ADCY1: variants seen among roughly 807,000 people sequenced by gnomAD.
ADCY1 encodes the protein adenylate cyclase type 1.
In ADCY1, 28 loss-of-function variants were observed where a neutral mutation model predicts 105.4. The ratio of observed to expected loss-of-function variants is 0.27; its 90% CI spans 0.20 to 0.36. ADCY1 has a LOEUF of 0.36. ADCY1 is among the 10% of genes least tolerant of loss of function. ADCY1 has a pLI of 1.00. For synonymous variants in ADCY1, 655 were observed against 623.8 expected, an observed-to-expected ratio of 1.05 and a Z score of -0.75; for missense variants, 977 against 1,434.2, an observed-to-expected ratio of 0.68 and a Z score of 5.15.
intron 2 of ADCY1, among the ~76,000 whole-genome samples, chr7:45,595,436 G>C (rs369895844): frequency 9.2e-5 from 14 of 152,106 alleles, no homozygotes; most frequent in African/African-American, 3.4e-4. Context: ...CTCTCTCTCT[G>C]TGAGGACTTG....
intron 19 of ADCY1, among the ~76,000 whole-genome samples, chr7:45,712,936 G>T (rs919494302): frequency 3.3e-5 from 5 of 152,042 alleles, no homozygotes; most frequent in African/African-American, 1.2e-4. Flanking sequence ...TGGACAGTTT[G>T]CCTGCTGCCC....
chr7:45,687,064 C>T (rs1237526037), intron 14 of ADCY1, among the ~76,000 whole-genome samples: 1 of 152,156 alleles, frequency 6.6e-6, no homozygotes, highest in Non-Finnish European at 1.5e-5. Flanking sequence ...TTGGGAAATA[C>T]AAGAAAATGC....
chr7:45,640,269 C>G (rs1017237918), intron 4 of ADCY1, among the ~76,000 whole-genome samples: 1 of 152,278 alleles, frequency 6.6e-6, no homozygotes, highest in East Asian at 1.9e-4. Context: ...GGGTGCCAAG[C>G]AAGGAGAATT....
intron 4 of ADCY1, among the ~76,000 whole-genome samples, chr7:45,644,891 C>CAT (rs1794619095): frequency 6.6e-6 from 1 of 152,204 alleles, no homozygotes; most frequent in Non-Finnish European, 1.5e-5. Context: ...TTGTCCTAAG[C>CAT]TGTCTCCACT....
chr7:45,694,646 A>G (rs1784848007), intron 14 of ADCY1, among the ~76,000 whole-genome samples: 1 of 152,220 alleles, frequency 6.6e-6, no homozygotes, highest in Admixed American at 6.5e-5. Flanking sequence ...GAAGTATTAT[A>G]ATCAATTTTA....
rs1470906087 is a variant in ADCY1 at position 45,686,413 on chromosome 7, C to T, written c.2328-134C>T. 8.3e-6 allele frequency: 12 copies of T among 1,439,014 alleles called. No individual in the cohort carries two copies. The Admixed American group carries it at 2.6e-4, about 31-fold the overall frequency. 89.1% of individuals were successfully genotyped at this position (1,439,014 alleles called of 1,614,324 possible). A position where few individuals can be genotyped will look rare whatever the true frequency, so the allele number is the denominator to read the frequency against. On this transcript the variant is annotated intron_variant, in intron 13 of 19. Coordinates refer to ENST00000297323, the MANE Select transcript of ADCY1 (RefSeq NM_021116.4). The surrounding 1 kb of genome is among the most constrained non-coding windows in gnomAD (Gnocchi z 4.3). ...TTCCCTATGATAAGTGATTCTTGGC[C>T]AAGGTCAATCCCAGCAAGCTGTTTT...
chr7:45,643,750 G>A (rs768496514), intron 4 of ADCY1, among the ~76,000 whole-genome samples: 12 of 152,252 alleles, frequency 7.9e-5, no homozygotes, highest in South Asian at 2.1e-4. Flanking sequence ...CCTCCCGTGC[G>A]TGTAGTTAGA....
intron 8 of ADCY1, among the ~76,000 whole-genome samples, 176 bp downstream of exon 8, chr7:45,662,390 A>T (rs1249982159): frequency 6.6e-6 from 1 of 152,238 alleles, no homozygotes; most frequent in Non-Finnish European, 1.5e-5. Flanking sequence ...AAAAGTCATT[A>T]TAGTGTACTT....
intron 4 of ADCY1, among the ~76,000 whole-genome samples, chr7:45,623,306 A>G (rs1793951926): frequency 6.6e-6 from 1 of 152,252 alleles, no homozygotes; most frequent in Non-Finnish European, 1.5e-5. Flanking sequence ...GTTCTGCTGA[A>G]TGTCGGGCCA....
chr7:45,662,880 T>C (rs1795169688), intron 8 of ADCY1, among the ~76,000 whole-genome samples: 1 of 152,152 alleles, frequency 6.6e-6, no homozygotes, highest in Non-Finnish European at 1.5e-5. Context: ...AAGCCTGGGC[T>C]TTTGCAGTTC....
intron 8 of ADCY1, among the ~76,000 whole-genome samples, chr7:45,673,964 CATATATATATATATATATATAT>C (rs58025464): frequency 0.66 from 76,062 of 115,486 alleles, 27,057 homozygotes; most frequent in Non-Finnish European, 0.78. Context: ...TTCAGATGAG[CATATATATATATATATATATAT>C]ATATATATAT....
chr7:45,677,531 C>A (rs1259004539), intron 8 of ADCY1, among the ~76,000 whole-genome samples: 2 of 152,266 alleles, frequency 1.3e-5, no homozygotes, highest in Non-Finnish European at 2.9e-5. Context: ...TGGGGAATCT[C>A]TTTCTGCATG....
At chr7:45,657,544 C>T (rs1480180403) in intron 5 of ADCY1, among the ~76,000 whole-genome samples, 183 bp from the exon 6 acceptor site, 2 of 152,232 alleles carry the variant, frequency 1.3e-5, no homozygotes, top group Non-Finnish European at 2.9e-5. Flanking sequence ...GCCCTCAGCC[C>T]ACAGGTGGGC....
At chr7:45,697,958 C>T (rs1212845637) in intron 14 of ADCY1, among the ~76,000 whole-genome samples, 3 of 152,132 alleles carry the variant, frequency 2.0e-5, no homozygotes, top group African/African-American at 7.2e-5. Flanking sequence ...GCTGATTTGC[C>T]CTCCAGCTCA....
At chr7:45,623,352 G>A (rs1022036909) in intron 4 of ADCY1, among the ~76,000 whole-genome samples, 6 of 152,262 alleles carry the variant, frequency 3.9e-5, no homozygotes, top group Admixed American at 3.9e-4. Flanking sequence ...TAACGTGCAT[G>A]TTAGGAAGCA....
At chr7:45,687,826 G>A (rs1042343287) in intron 14 of ADCY1, among the ~76,000 whole-genome samples, 1 of 152,166 alleles carries the variant, frequency 6.6e-6, no homozygotes, top group Non-Finnish European at 1.5e-5. Context: ...GGTAGGCTCT[G>A]AACCTGTGGA....
At chr7:45,622,578 A>T in intron 3 of ADCY1, 54 bp from the exon 4 acceptor site, 1 of 1,274,692 alleles carries the variant, frequency 7.8e-7, no homozygotes, top group Admixed American at 1.7e-5. Context: ...ATCTCTAGGG[A>T]TTATTTCCTG....
At chr7:45,610,926 GA>G (rs2115870212) in intron 3 of ADCY1, among the ~76,000 whole-genome samples, 4 of 150,966 alleles carry the variant, frequency 2.6e-5, no homozygotes, top group East Asian at 4.0e-4. Flanking sequence ...GTATGGAGGT[GA>G]TTTTGGAGGT....
chr7:45,574,840 C>T lies in ADCY1; in HGVS notation c.297C>T (p.Cys99=), dbSNP rs776113547. The part of the protein sequence containing the change: ...GLAKGSHPVH[C]VLFLALLVVT... ...CCAAGGGCTCACACCCGGTGCACTG[C>T]GTCCTCTTCCTGGCGCTGCTCGTGG... Residue 99 remains cysteine, a synonymous_variant, in exon 1 of 20, where the codon TGC becomes TGT. Transcript: ENST00000297323. This position sits in a 1 kb window ranked among gnomAD's most constrained non-coding sequence, Gnocchi z 7.0. 129 of 1,610,658 alleles carry T rather than the reference C, an allele frequency of 8.0e-5. No individual in the cohort carries two copies. The highest frequency in any genetic ancestry group is 1.0e-4 in the Non-Finnish European group (119 of 1,179,534).
Sources: gnomAD v4.1 joint callset for allele counts (sites outside exome capture counted in the v4.1 genomes callset) on GRCh38, gnomAD v4.1.1 for gene constraint, Gnocchi (gnomAD v3.1) non-coding constraint, MANE v1.5 for transcripts, NCBI Gene and HGNC (gene_info 2026-07-23, HGNC 2026-07-21) for gene names.